The following CCDC85A variants were observed in gnomAD, a reference collection of about 807,000 sequenced individuals.
The protein encoded by CCDC85A is coiled-coil domain-containing protein 85A.
In CCDC85A, 38 loss-of-function variants were observed where a neutral mutation model predicts 50.2. The observed-to-expected ratio is 0.76, with a 90% confidence interval of 0.58 to 0.99. The LOEUF is 0.99. CCDC85A is among the 50% of genes least tolerant of loss of function. CCDC85A has a pLI of 0.00. For synonymous variants in CCDC85A, 366 were observed against 301.4 expected (o/e 1.21, Z -2.22); for missense variants, 820 against 742.0 (o/e 1.11, Z -1.22).
intron 2 of CCDC85A, among the ~76,000 whole-genome samples, chr2:56,283,188 G>A (rs925739841): frequency 3.9e-5 from 6 of 151,942 alleles, no homozygotes; most frequent in East Asian, 3.9e-4. Context: ...TGCTATACTC[G>A]GTAGAAGTAC....
intron 3 of CCDC85A, among the ~76,000 whole-genome samples, chr2:56,354,103 A>G (rs1439570728): frequency 2.6e-5 from 4 of 152,262 alleles, no homozygotes; most frequent in Non-Finnish European, 5.9e-5. Flanking sequence ...ACTGCCTACA[A>G]TAAAAGGAGG....
chr2:56,340,254 T>A lies in CCDC85A; in HGVS notation c.1241-2625T>A, dbSNP rs575972173. Among the ~76,000 whole-genome samples, 13 of 152,338 alleles carry A rather than the reference T, an allele frequency of 8.5e-5. No individual in the cohort carries two copies. The South Asian group carries it at 2.5e-3, about 29-fold the overall frequency. On this transcript the variant is annotated intron_variant, in intron 2 of 5. Transcript: ENST00000407595. ...GGTCATAAAAATAGAATTGGGTTCA[T>A]ATAAACTATTTCCACATAAAATAAT...
chr2:56,207,824 AT>A (rs1677017784), intron 2 of CCDC85A, among the ~76,000 whole-genome samples: 1 of 152,190 alleles, frequency 6.6e-6, no homozygotes, highest in African/African-American at 2.4e-5. Flanking sequence ...TGCTGATAAT[AT>A]TGAATGATCA....
At chr2:56,232,894 C>G (rs1668835443) in intron 2 of CCDC85A, among the ~76,000 whole-genome samples, 1 of 152,146 alleles carries the variant, frequency 6.6e-6, no homozygotes, top group Non-Finnish European at 1.5e-5. Flanking sequence ...CATTGGATCA[C>G]TCACTACCCT....
chr2:56,295,263 A>G (rs1359543788), intron 2 of CCDC85A, among the ~76,000 whole-genome samples: 1 of 152,164 alleles, frequency 6.6e-6, no homozygotes, highest in Admixed American at 6.5e-5. Context: ...TCAAGTATTT[A>G]CTTTTTGCTC....
chr2:56,285,549 TATAAC>T (rs939182612), intron 2 of CCDC85A, among the ~76,000 whole-genome samples: 3 of 146,148 alleles, frequency 2.1e-5, no homozygotes, highest in Admixed American at 7.0e-5. Flanking sequence ...TTATATATAA[TATAAC>T]ATAATATATA....
At chr2:56,250,080 C>T (rs1669688038) in intron 2 of CCDC85A, among the ~76,000 whole-genome samples, 1 of 152,118 alleles carries the variant, frequency 6.6e-6, no homozygotes, top group African/African-American at 2.4e-5. Flanking sequence ...GGTTTTGCTC[C>T]TCTAAAACGT....
chr2:56,269,274 T>C (rs1052318393), intron 2 of CCDC85A, among the ~76,000 whole-genome samples: 3 of 152,086 alleles, frequency 2.0e-5, no homozygotes, highest in African/African-American at 4.8e-5. Context: ...TACTCCCAGC[T>C]CTACTGCTCT....
In CCDC85A at chr2:56,355,434, T is replaced by G. The variant is rs72916160; in HGVS notation, c.1317+12479T>G. Among the ~76,000 whole-genome samples, 1,104 of 152,316 alleles carry G rather than the reference T, an allele frequency of 7.2e-3. 10 individuals carry two copies. The highest frequency in any genetic ancestry group is 0.024 in the African/African-American group (1,015 of 41,560). On this transcript the variant is annotated intron_variant, in intron 3 of 5. Transcript: ENST00000407595. Reference sequence around the variant, plus strand: ...TATTTCTTACCTTTGGGAGAACTCTTTGTCCTCAAACTTCATAGTATCTCA... The same window carrying G: ...TATTTCTTACCTTTGGGAGAACTCTGTGTCCTCAAACTTCATAGTATCTCA...
At chr2:56,253,844 G>A (rs572341168) in intron 2 of CCDC85A, among the ~76,000 whole-genome samples, 1 of 152,156 alleles carries the variant, frequency 6.6e-6, no homozygotes, top group African/African-American at 2.4e-5. Flanking sequence ...TGCTGAGATT[G>A]TGTGCTAGCT....
chr2:56,339,543 A>G (rs1674252618), intron 2 of CCDC85A, among the ~76,000 whole-genome samples: 2 of 152,238 alleles, frequency 1.3e-5, no homozygotes, highest in Non-Finnish European at 2.9e-5. Context: ...ATTCCGTTCA[A>G]TAGCATTTTT....
At chr2:56,237,876 G>A (rs1030938727) in intron 2 of CCDC85A, among the ~76,000 whole-genome samples, 1 of 152,084 alleles carries the variant, frequency 6.6e-6, no homozygotes, top group African/African-American at 2.4e-5. Context: ...AGGGATTGGT[G>A]GCTTGGTGTA....
At chr2:56,250,836 C>T (rs1669720790) in intron 2 of CCDC85A, among the ~76,000 whole-genome samples, 2 of 152,160 alleles carry the variant, frequency 1.3e-5, no homozygotes, top group South Asian at 4.1e-4. Context: ...ATTAGAAGTA[C>T]ATTTGAAAGA....
chr2:56,382,678 T>A (rs1351670455), intron 5 of CCDC85A, among the ~76,000 whole-genome samples: 1 of 152,004 alleles, frequency 6.6e-6, no homozygotes, highest in Non-Finnish European at 1.5e-5. Context: ...TTTGTATTGT[T>A]GGTTTATTGC....
chr2:56,340,828 A>G (rs985842094), intron 2 of CCDC85A, among the ~76,000 whole-genome samples: 1 of 145,940 alleles, frequency 6.9e-6, no homozygotes. Context: ...GTGAGCCGAG[A>G]TCGCGCCACT....
At chr2:56,383,831 C>A in intron 5 of CCDC85A, 1 of 842,484 alleles carries the variant, frequency 1.2e-6, no homozygotes, top group Non-Finnish European at 1.4e-6. Flanking sequence ...GATGATCTTG[C>A]CAAGGTGTTC....
intron 3 of CCDC85A, among the ~76,000 whole-genome samples, chr2:56,356,828 G>A (rs2104358239): frequency 6.6e-6 from 1 of 151,494 alleles, no homozygotes; most frequent in South Asian, 2.1e-4. Context: ...CCAGCGCTTT[G>A]GGAGGCCGAG....
At chr2:56,251,847 A>G (rs558693159) in intron 2 of CCDC85A, among the ~76,000 whole-genome samples, 14 of 152,104 alleles carry the variant, frequency 9.2e-5, no homozygotes, top group Non-Finnish European at 1.2e-4. Context: ...AACAAGTGGA[A>G]TGCCCGTAGC....
intron 2 of CCDC85A, among the ~76,000 whole-genome samples, chr2:56,336,651 G>A (rs1352664828): frequency 6.6e-6 from 1 of 152,174 alleles, no homozygotes; most frequent in Admixed American, 6.5e-5. Flanking sequence ...ATTTGTGGGT[G>A]ATTTCAAGGA....
Sources: allele counts gnomAD v4.1 joint callset (sites outside exome capture counted in the v4.1 genomes callset), GRCh38; gene constraint gnomAD v4.1.1; transcripts MANE v1.5; gene names NCBI Gene and HGNC (gene_info 2026-07-23, HGNC 2026-07-21).